Variants in MLANA observed in about 807,000 individuals in gnomAD.
MLANA encodes melanoma antigen recognized by T-cells 1.
In MLANA, 21 loss-of-function variants were observed where a neutral mutation model predicts 15.7. The observed-to-expected ratio is 1.33, with a 90% CI of 0.95 to 1.92. The LOEUF (loss-of-function observed/expected upper bound fraction) is 1.92. Among genes scored for constraint, MLANA ranks in the 40% most tolerant of loss-of-function variants. The pLI is 0.00. For synonymous variants in MLANA, 56 were observed against 51.5 expected (o/e 1.09, Z -0.37); for missense variants, 164 against 143.8 (o/e 1.14, Z -0.72).
chr9:5,907,142 G>C, intron 4 of MLANA, 144 bp downstream of exon 4: 1 of 423,928 alleles, frequency 2.4e-6, no homozygotes, highest in Non-Finnish European at 4.1e-6. Context: ...TGGTTAAAAT[G>C]GCAACTTTTA....
intron 4 of MLANA, among the ~76,000 whole-genome samples, chr9:5,907,992 G>T (rs555433811): frequency 2.0e-5 from 3 of 152,102 alleles, no homozygotes; most frequent in Non-Finnish European, 4.4e-5. Flanking sequence ...TAAGTGGCTT[G>T]TACCATATTT....
chr9:5,898,636 G>C (rs1013021784), intron 3 of MLANA, among the ~76,000 whole-genome samples: 1 of 152,146 alleles, frequency 6.6e-6, no homozygotes, highest in African/African-American at 2.4e-5. Context: ...AGGGGTTTGA[G>C]GTTCCCTTAT....
At chr9:5,896,925 G>A (rs1364661613) in intron 2 of MLANA, among the ~76,000 whole-genome samples, 1 of 152,210 alleles carries the variant, frequency 6.6e-6, no homozygotes, top group East Asian at 1.9e-4. Flanking sequence ...AGCAAAGCGG[G>A]GAGTTTAGGG....
intron 4 of MLANA, 152 bp from the exon 5 acceptor site, chr9:5,908,488 C>G: frequency 1.4e-6 from 1 of 696,970 alleles, no homozygotes; most frequent in Non-Finnish European, 2.5e-6. Context: ...TGAAATTTAA[C>G]AATTACTTCA....
In MLANA at chr9:5,894,941, G is replaced by C. The variant is rs1831911156; in HGVS notation, c.77+2390G>C. Among the ~76,000 whole-genome samples the C allele has an allele frequency of 6.6e-6, 1 of 152,222 alleles. No individual in the cohort carries two copies. Among genetic ancestry groups the C allele is most frequent in the South Asian group, 2.1e-4 (1 of 4,836 alleles). ...CCACTATCATGTGAAGGAACCCCTT[G>C]ACTGAAGGCACAAGCTTTCTGTGTC... On this transcript the variant is annotated intron_variant, in intron 2 of 4. Coordinates refer to ENST00000381477, the MANE Select transcript of MLANA (RefSeq NM_005511.2). This position sits in a 1 kb window ranked among gnomAD's most constrained non-coding sequence, Gnocchi z 4.0.
chr9:5,891,738 G>A (rs1334180783), intron 1 of MLANA, among the ~76,000 whole-genome samples: 3 of 152,210 alleles, frequency 2.0e-5, no homozygotes, highest in South Asian at 4.1e-4. Flanking sequence ...CCTAGCCAAG[G>A]GACTTGAACC....
intron 3 of MLANA, among the ~76,000 whole-genome samples, chr9:5,906,454 T>C (rs890095694): frequency 6.6e-6 from 1 of 152,276 alleles, no homozygotes. Context: ...TTTCTTTTTC[T>C]CTAAAGAACT....
Position 5,890,918 on chromosome 9 carries a change from A to T in MLANA, c.-44A>T, listed in dbSNP as rs1337929520. 6.6e-6 allele frequency: 1 copy of T among 152,228 alleles called. No homozygotes were observed. Among genetic ancestry groups the T allele is most frequent in the Non-Finnish European group, 1.5e-5 (1 of 68,036 alleles). The allele number at this position is 152,228 out of a possible 1,614,324, so 9.4% of individuals were successfully genotyped here. On this transcript the variant is annotated 5_prime_UTR_variant, in exon 1 of 5. Transcript: ENST00000381477. ...ATACACGCGGCCAGCCAGCAGACAGAGGACTCTCATTAAGGAAGGTAAGAG... is the reference window on the plus strand; with the variant it reads ...ATACACGCGGCCAGCCAGCAGACAGTGGACTCTCATTAAGGAAGGTAAGAG...
At chr9:5,892,588 T>A in intron 2 of MLANA, 37 bp downstream of exon 2, 1 of 1,584,210 alleles carries the variant, frequency 6.3e-7, no homozygotes, top group Non-Finnish European at 8.6e-7. Context: ...GCTTCCAGTT[T>A]GCCGTTTGCT....
chr9:5,892,932 G>A (rs1373858444), intron 2 of MLANA, among the ~76,000 whole-genome samples: 2 of 152,168 alleles, frequency 1.3e-5, no homozygotes, highest in Non-Finnish European at 2.9e-5. Flanking sequence ...CAGAATAAAA[G>A]TGAGTTGCCA....
chr9:5,891,411 C>T (rs1231174953), intron 1 of MLANA: 4 of 152,148 alleles, frequency 2.6e-5, no homozygotes, highest in African/African-American at 9.7e-5. Flanking sequence ...GTGAGTTTGA[C>T]TTTCATTTCT....
At chr9:5,898,563 G>A (rs2129930488) in intron 3 of MLANA, among the ~76,000 whole-genome samples, 1 of 152,276 alleles carries the variant, frequency 6.6e-6, no homozygotes, top group Middle Eastern at 3.4e-3. Context: ...TCTACTCATA[G>A]CAGACTTGGG....
At chr9:5,897,924 T>C (rs1012954277) in intron 3 of MLANA, among the ~76,000 whole-genome samples, 2 of 152,204 alleles carry the variant, frequency 1.3e-5, no homozygotes, top group Admixed American at 1.3e-4. Context: ...ATGAAATTCA[T>C]TTGGTTTACA....
chr9:5,907,912 C>T (rs747029418), intron 4 of MLANA, among the ~76,000 whole-genome samples: 25 of 152,326 alleles, frequency 1.6e-4, no homozygotes, highest in Non-Finnish European at 2.6e-4. Flanking sequence ...GAGATAGTGC[C>T]ACTGCACTCC....
At chr9:5,897,702 T>G (rs1350000543) in intron 3 of MLANA, 49 bp downstream of exon 3, 2 of 1,425,992 alleles carry the variant, frequency 1.4e-6, no homozygotes, top group East Asian at 2.3e-5. Flanking sequence ...AGGGCCCTCT[T>G]TCCAGTTCTT....
chr9:5,892,762 T>C (rs1032204716), intron 2 of MLANA, among the ~76,000 whole-genome samples: 1 of 152,200 alleles, frequency 6.6e-6, no homozygotes, highest in Admixed American at 6.5e-5. Context: ...AAGATGGGAA[T>C]GGTATAAGGT....
chr9:5,904,589 C>G (rs1832676157), intron 3 of MLANA, among the ~76,000 whole-genome samples: 1 of 152,068 alleles, frequency 6.6e-6, no homozygotes, highest in Admixed American at 6.5e-5. Context: ...TCTCCTGTCT[C>G]AGCCTCCTGA....
chr9:5,900,672 T>C (rs1002190798), intron 3 of MLANA, among the ~76,000 whole-genome samples: 3 of 152,136 alleles, frequency 2.0e-5, no homozygotes, highest in African/African-American at 4.8e-5. Context: ...GAGAGGCTGG[T>C]TGGAATTTAG....
intron 2 of MLANA, among the ~76,000 whole-genome samples, chr9:5,896,549 C>A (rs1372587308): frequency 6.6e-6 from 1 of 152,192 alleles, no homozygotes; most frequent in Admixed American, 6.5e-5. Context: ...TTAGTTAAAC[C>A]TTGCTTCTCC....
Sources: gnomAD v4.1 joint callset for allele counts (sites outside exome capture counted in the v4.1 genomes callset) on GRCh38, gnomAD v4.1.1 for gene constraint, Gnocchi (gnomAD v3.1) non-coding constraint, MANE v1.5 for transcripts, NCBI Gene and HGNC (gene_info 2026-07-23, HGNC 2026-07-21) for gene names.